Variants in ZDHHC23 observed in about 807,000 individuals in gnomAD.
ZDHHC23 encodes the protein zDHHC palmitoyltransferase 23.
A neutral mutation model predicts 40.2 loss-of-function variants in ZDHHC23; 41 were observed. The observed-to-expected ratio is 1.02, with a 90% CI of 0.79 to 1.32. The LOEUF (loss-of-function observed/expected upper bound fraction) is 1.32. Ranked by LOEUF, ZDHHC23 falls within the 40% of genes most tolerant of loss-of-function variation. The pLI is 0.00. For missense variants in ZDHHC23, 471 were observed against 541.5 expected (o/e 0.87, Z 1.29); for synonymous variants, 204 against 210.2 (o/e 0.97, Z 0.26).
intron 3 of ZDHHC23, among the ~76,000 whole-genome samples, chr3:113,955,390 G>GCA (rs1559846560): frequency 7.8e-6 from 1 of 128,202 alleles, no homozygotes; most frequent in East Asian, 2.5e-4. Context: ...GTGTGTGTGT[G>GCA]TGCGTGTGTG....
At chr3:113,974,033 ATTCT>A in the ZDHHC23 span, among the ~76,000 whole-genome samples, 8 of 151,690 alleles carry the variant, frequency 5.3e-5, no homozygotes, top group Admixed American at 4.6e-4. Flanking sequence ...GGGCTCACTA[ATTCT>A]TTCCACTGCT....
At position 113,958,529 on chromosome 3, in the gene ZDHHC23, G is replaced by A. The variant is rs148490794; in HGVS notation, c.1207G>A (p.Val403Met). The A allele has an allele frequency of 5.0e-6, 8 of 1,613,238 alleles. No individual in the cohort carries two copies. The highest frequency in any genetic ancestry group is 3.3e-5 in the Admixed American group (2 of 59,998). ...GCGCCGGCTCCTCTGCGGGCTCATC[G>A]TGGACACAGGCCAGTACAATAGGGG... The part of the protein sequence containing the change: ...TGRRLLCGLI[V>M]DTGQYNRGFL... The change falls in exon 5 of 5, where the codon GTG becomes ATG. Residue 403 changes from valine to methionine, a missense_variant. Physicochemically the swap from Val to Met is conservative, Grantham distance 21 (BLOSUM62 1). Transcript: ENST00000638807.
Position 113,959,056 on chromosome 3 carries a change from C to A in ZDHHC23, c.*426C>A. The A allele has an allele frequency of 1.0e-6, 1 of 975,200 alleles. No homozygotes were observed. The highest frequency in any genetic ancestry group is 1.3e-6 in the Non-Finnish European group (1 of 758,806). The allele number at this position is 975,200 out of a possible 1,614,324, so 60.4% of individuals were successfully genotyped here. Reference sequence around the variant, plus strand: ...TCAGGGTCATCTGCAAAGTGGGGTACTGATGCCTGCCCTGGCTACCTCACA... The same window carrying A: ...TCAGGGTCATCTGCAAAGTGGGGTAATGATGCCTGCCCTGGCTACCTCACA... On this transcript the variant is annotated 3_prime_UTR_variant, in exon 5 of 5. Transcript: ENST00000638807.
rs1369153791 is a variant in ZDHHC23, at chr3:113,962,506, A to G, written c.*3876A>G. 6.6e-6 allele frequency: 1 copy of G among 152,242 alleles called. No homozygotes were observed. Among genetic ancestry groups the G allele is most frequent in the African/African-American group, 2.4e-5 (1 of 41,462 alleles). 9.4% of individuals were successfully genotyped at this position (152,242 alleles called of 1,614,324 possible). ...ATCTACATTTAAAAGGCAAAGCTTTAAAAGCAGAGCTAGTCTATTCTAGTT... is the reference window on the plus strand; with the variant it reads ...ATCTACATTTAAAAGGCAAAGCTTTGAAAGCAGAGCTAGTCTATTCTAGTT... On this transcript the variant is annotated 3_prime_UTR_variant, in exon 5 of 5. Transcript: ENST00000638807.
chr3:113,960,539 A>G lies in ZDHHC23; in HGVS notation c.*1909A>G. ...GTCAGCTGTAGAGCCAACTCTGATT[A>G]TCTAGCCATTGATCATACAAATTGA... On this transcript the variant is annotated 3_prime_UTR_variant, in exon 5 of 5. Transcript: ENST00000638807. The G allele has an allele frequency of 7.0e-7, 1 of 1,428,292 alleles. No individual in the cohort carries two copies. 88.5% of individuals were successfully genotyped at this position (1,428,292 alleles called of 1,614,324 possible).
chr3:113,967,351 T>C (rs1315188296), downstream of ZDHHC23, among the ~76,000 whole-genome samples: 1 of 150,292 alleles, frequency 6.7e-6, no homozygotes, highest in East Asian at 1.9e-4. Flanking sequence ...TTGGGTGAAA[T>C]CTTCCTAGAT....
chr3:113,968,457 C>T (rs1485708891), downstream of ZDHHC23, among the ~76,000 whole-genome samples: 1 of 151,648 alleles, frequency 6.6e-6, no homozygotes, highest in African/African-American at 2.4e-5. Context: ...AGATCTTCCC[C>T]CCCCTTTTTT....
In ZDHHC23 at chr3:113,958,636, C is replaced by T. The variant is rs752655154; in HGVS notation, c.*6C>T. 6.3e-7 allele frequency: 1 copy of T among 1,595,500 alleles called. No homozygotes were observed. The highest frequency in any genetic ancestry group is 8.5e-7 in the Non-Finnish European group (1 of 1,177,808). On this transcript the variant is annotated 3_prime_UTR_variant, in exon 5 of 5. Coordinates refer to ENST00000638807, the MANE Select transcript of ZDHHC23 (RefSeq NM_001320466.2). ...CTGCCGAGGACATTGTCTGAAGTGC[C>T]TTCTATGTGGCTCTCTGAGGGATGA... is the stretch of plus-strand genomic sequence containing the variant.
the ZDHHC23 span, among the ~76,000 whole-genome samples, chr3:113,974,785 G>C: frequency 9.2e-5 from 14 of 151,928 alleles, no homozygotes; most frequent in Admixed American, 9.2e-4. Context: ...CCTGCTATGT[G>C]GCTGCCTCCT....
rs879397255 is a variant in ZDHHC23, at chr3:113,948,207, G to A, written c.-118+17G>A. The A allele has an allele frequency of 5.2e-5, 8 of 152,726 alleles. No individual in the cohort carries two copies. The highest frequency in any genetic ancestry group is 1.0e-4 in the Non-Finnish European group (7 of 68,446). 9.5% of individuals were successfully genotyped at this position (152,726 alleles called of 1,614,324 possible). A position where few individuals can be genotyped will look rare whatever the true frequency, so the allele number is the denominator to read the frequency against. The stretch of plus-strand genomic sequence containing the variant: ...AGAGGGCAGGTAACTTCCCTTCCAA[G>A]GTCATTCTCCTGGCGGGGTGGTGCG... On this transcript the variant is annotated intron_variant, in intron 1 of 4. Coordinates refer to ENST00000638807, the MANE Select transcript of ZDHHC23 (RefSeq NM_001320466.2).
the ZDHHC23 span, chr3:113,978,093 A>AG: frequency 2.1e-6 from 3 of 1,419,912 alleles, no homozygotes; most frequent in Non-Finnish European, 2.9e-6. Flanking sequence ...CCTAGCCTCC[A>AG]GCTCATCTCT....
chr3:113,957,844 A>G (rs771130990), intron 4 of ZDHHC23: 4 of 518,228 alleles, frequency 7.7e-6, no homozygotes, highest in East Asian at 5.5e-5. Flanking sequence ...CGGTGTTCCT[A>G]CATCCAGGTA....
chr3:113,957,176 CT>C lies in ZDHHC23; in HGVS notation c.1040+671del, dbSNP rs1485116360. ...CCCCTCCCTGAATGCTGGGGCCCCC[CT>C]CTGCCCATGCTCTTTATTCCCTTCC... On this transcript the variant is annotated intron_variant, in intron 4 of 4. Coordinates refer to ENST00000638807, the MANE Select transcript of ZDHHC23 (RefSeq NM_001320466.2). 5.3e-5 allele frequency among the ~76,000 whole-genome samples: 8 copies of C among 152,366 alleles called. No individual in the cohort carries two copies. The East Asian group carries it at 1.5e-3, about 29-fold the overall frequency.
At chr3:113,949,004 T>A (rs779587988) in intron 2 of ZDHHC23, 41 bp downstream of exon 2, 6 of 1,610,798 alleles carry the variant, frequency 3.7e-6, no homozygotes, top group Non-Finnish European at 5.1e-6. Flanking sequence ...CCATCACCCT[T>A]CTGAGAACTG....
intron 2 of ZDHHC23, among the ~76,000 whole-genome samples, chr3:113,949,817 G>A: frequency 6.6e-6 from 1 of 152,120 alleles, no homozygotes; most frequent in East Asian, 1.9e-4. Flanking sequence ...GCATTCCCTG[G>A]GGTCTGCAGT....
intron 2 of ZDHHC23, among the ~76,000 whole-genome samples, chr3:113,951,344 A>G (rs1333211411): frequency 6.6e-6 from 1 of 152,038 alleles, no homozygotes; most frequent in Non-Finnish European, 1.5e-5. Flanking sequence ...CATCCTTTGA[A>G]GTCTAGGTGG....
At chr3:113,953,245 C>T (rs1938853444) in intron 2 of ZDHHC23, among the ~76,000 whole-genome samples, 1 of 152,214 alleles carries the variant, frequency 6.6e-6, no homozygotes, top group Admixed American at 6.5e-5. Flanking sequence ...ACCTTTTCCA[C>T]AAAGACCCCT....
chr3:113,979,210 C>T, the ZDHHC23 span, among the ~76,000 whole-genome samples: 2 of 152,172 alleles, frequency 1.3e-5, no homozygotes, highest in African/African-American at 4.8e-5. Context: ...CATGCATGGC[C>T]TTTCAATGCC....
At chr3:113,970,557 C>T in the ZDHHC23 span, among the ~76,000 whole-genome samples, 1 of 151,960 alleles carries the variant, frequency 6.6e-6, no homozygotes, top group African/African-American at 2.4e-5. Flanking sequence ...TTGGTCCTGG[C>T]CAGGATGTTG....
Sources: allele counts gnomAD v4.1 joint callset (sites outside exome capture counted in the v4.1 genomes callset), GRCh38; gene constraint gnomAD v4.1.1; transcripts MANE v1.5; gene names NCBI Gene and HGNC (gene_info 2026-07-23, HGNC 2026-07-21).